The following PLCB4 variants were observed in gnomAD, a reference collection of about 807,000 sequenced individuals.
The protein encoded by PLCB4 is phospholipase C beta 4.
Under a neutral mutation model 178.8 loss-of-function variants are expected in PLCB4, and 77 were observed. That is an observed-to-expected ratio of 0.43 (90% CI 0.36 to 0.52). The LOEUF (loss-of-function observed/expected upper bound fraction) is 0.52, where lower values mean the gene tolerates loss of function less well. Ranked by LOEUF, PLCB4 falls within the 20% of genes least tolerant of loss-of-function variation. The pLI is 0.00. For missense variants in PLCB4, 1,024 were observed against 1,453.4 expected (o/e 0.70, Z 4.80); for synonymous variants, 496 against 490.8 (o/e 1.01, Z -0.14).
chr20:9,203,593 G>A (rs2147200372), intron 2 of PLCB4, among the ~76,000 whole-genome samples: 1 of 152,258 alleles, frequency 6.6e-6, no homozygotes, highest in East Asian at 1.9e-4. Context: ...TTTCAGGAAT[G>A]TGATAGGCAC....
intron 3 of PLCB4, among the ~76,000 whole-genome samples, chr20:9,298,968 G>A (rs2094672471): frequency 6.6e-6 from 1 of 152,024 alleles, no homozygotes; most frequent in South Asian, 2.1e-4. Context: ...ATTCATTAAA[G>A]TCTAATTCCA....
intron 2 of PLCB4, among the ~76,000 whole-genome samples, chr20:9,099,079 A>G (rs1399518224): frequency 6.6e-6 from 1 of 151,976 alleles, no homozygotes. Context: ...AATTAAATCT[A>G]CTTTATACTA....
Position 9,387,576 on chromosome 20 carries a change from C to G in PLCB4, c.1158+20C>G. The G allele has an allele frequency of 8.5e-7, 1 of 1,181,150 alleles. No homozygotes were observed. Among genetic ancestry groups the G allele is most frequent in the Non-Finnish European group, 1.2e-6 (1 of 807,122 alleles). 73.2% of individuals were successfully genotyped at this position (1,181,150 alleles called of 1,614,324 possible). Reference sequence around the variant, plus strand: ...TTTAAGGTAACTTTAAAAATAATTACACAGACTTTTCCAAACTCTGTGAAA... The same window carrying G: ...TTTAAGGTAACTTTAAAAATAATTAGACAGACTTTTCCAAACTCTGTGAAA... On this transcript the variant is annotated intron_variant, in intron 15 of 39. Transcript: ENST00000378473.
intron 2 of PLCB4, among the ~76,000 whole-genome samples, chr20:9,161,578 C>G (rs1006662481): frequency 1.3e-5 from 2 of 152,236 alleles, no homozygotes; most frequent in Admixed American, 6.5e-5. Context: ...GGCTTGCAGC[C>G]ATTGCCAGTG....
intron 16 of PLCB4, among the ~76,000 whole-genome samples, chr20:9,390,243 A>C (rs1039730954): frequency 6.6e-6 from 1 of 152,236 alleles, no homozygotes; most frequent in Non-Finnish European, 1.5e-5. Flanking sequence ...CACCTTACTT[A>C]AAGTTCCATT....
chr20:9,305,151 T>C (rs1290082753), intron 3 of PLCB4, among the ~76,000 whole-genome samples: 1 of 151,598 alleles, frequency 6.6e-6, no homozygotes, highest in African/African-American at 2.4e-5. Context: ...ATTTAACCAA[T>C]TCGTATTTAC....
chr20:9,131,763 T>C (rs529046070), intron 2 of PLCB4, among the ~76,000 whole-genome samples: 1 of 152,180 alleles, frequency 6.6e-6, no homozygotes, highest in Non-Finnish European at 1.5e-5. Flanking sequence ...ATATTCCTCA[T>C]TGACTCTAGA....
intron 34 of PLCB4, among the ~76,000 whole-genome samples, chr20:9,458,775 G>A (rs1753443253): frequency 6.6e-6 from 1 of 152,130 alleles, no homozygotes; most frequent in South Asian, 2.1e-4. Context: ...GCTAAAGCAA[G>A]TCACAGGTCA....
At chr20:9,088,178 CTTT>C (rs10554943) in intron 1 of PLCB4, among the ~76,000 whole-genome samples, 80 of 99,184 alleles carry the variant, frequency 8.1e-4, no homozygotes, top group Admixed American at 3.0e-3. Flanking sequence ...CTTTTCTTTT[CTTT>C]TTTTTTTTTT....
At chr20:9,097,232 CTTTTTTTTT>C (rs544568591) in intron 2 of PLCB4, among the ~76,000 whole-genome samples, 3 of 81,076 alleles carry the variant, frequency 3.7e-5, no homozygotes, top group East Asian at 8.4e-4. Context: ...ACAGCCTGGC[CTTTTTTTTT>C]TTTTTTTTTT....
intron 4 of PLCB4, among the ~76,000 whole-genome samples, chr20:9,312,462 G>A (rs912704480): frequency 4.6e-5 from 7 of 151,602 alleles, no homozygotes; most frequent in African/African-American, 1.7e-4. Context: ...CAGGATCAAA[G>A]GAGTATCAAA....
intron 25 of PLCB4, among the ~76,000 whole-genome samples, chr20:9,419,448 G>C (rs1289872872): frequency 6.6e-6 from 1 of 152,176 alleles, no homozygotes; most frequent in Non-Finnish European, 1.5e-5. Context: ...AATTAATACA[G>C]AGGTAGAATA....
chr20:9,443,283 C>T (rs967414042), intron 30 of PLCB4, among the ~76,000 whole-genome samples: 12 of 152,204 alleles, frequency 7.9e-5, no homozygotes, highest in African/African-American at 2.9e-4. Flanking sequence ...TATTCTTTCA[C>T]AATGACTGAA....
chr20:9,101,671 C>T (rs16995546), intron 2 of PLCB4, among the ~76,000 whole-genome samples: 31,021 of 151,954 alleles, frequency 0.2, 4,356 homozygotes, highest in East Asian at 0.65. Context: ...TTCAGTTGCC[C>T]ATTATGTGGA....
intron 2 of PLCB4, among the ~76,000 whole-genome samples, chr20:9,213,213 C>T (rs777351852): frequency 4.4e-5 from 6 of 135,884 alleles, no homozygotes; most frequent in Non-Finnish European, 7.5e-5. Context: ...AGTGCAATCT[C>T]GGCTCACTAC....
At chr20:9,144,928 T>A (rs543096983) in intron 2 of PLCB4, among the ~76,000 whole-genome samples, 1 of 152,124 alleles carries the variant, frequency 6.6e-6, no homozygotes, top group Admixed American at 6.5e-5. Context: ...TTAAAATCAG[T>A]GGCAGAGCTA....
chr20:9,292,993 C>T (rs540258263), intron 3 of PLCB4, among the ~76,000 whole-genome samples: 9 of 152,146 alleles, frequency 5.9e-5, no homozygotes, highest in Admixed American at 5.2e-4. Flanking sequence ...GCAGGAGAAT[C>T]GCTTGAACCC....
chr20:9,212,160 C>A (rs1224852896), intron 2 of PLCB4, among the ~76,000 whole-genome samples: 1 of 152,182 alleles, frequency 6.6e-6, no homozygotes, highest in African/African-American at 2.4e-5. Context: ...GGCCTGCCTT[C>A]TTGCTTCTCT....
chr20:9,169,192 G>C (rs1010783337), intron 2 of PLCB4, among the ~76,000 whole-genome samples: 1 of 152,138 alleles, frequency 6.6e-6, no homozygotes, highest in African/African-American at 2.4e-5. Flanking sequence ...GTGAGGAGCT[G>C]CTTCCTTCCT....
Sources: allele counts gnomAD v4.1 joint callset (sites outside exome capture counted in the v4.1 genomes callset), GRCh38; gene constraint gnomAD v4.1.1; transcripts MANE v1.5; gene names NCBI Gene and HGNC (gene_info 2026-07-23, HGNC 2026-07-21).